The following STXBP5L variants were observed in gnomAD, a reference collection of about 807,000 sequenced individuals.
STXBP5L encodes syntaxin binding protein 5L.
In STXBP5L, 65 loss-of-function variants were observed where a neutral mutation model predicts 144.5. The observed-to-expected ratio is 0.45, with a 90% CI of 0.37 to 0.55. The LOEUF (loss-of-function observed/expected upper bound fraction) is 0.55, where lower values mean the gene tolerates loss of function less well. STXBP5L is among the 20% of genes least tolerant of loss of function. The pLI is 0.00. For synonymous variants in STXBP5L, 505 were observed against 469.6 expected, an observed-to-expected ratio of 1.08 and a Z score of -0.97; for missense variants, 1,298 against 1,405.5, an observed-to-expected ratio of 0.92 and a Z score of 1.22.
intron 5 of STXBP5L, among the ~76,000 whole-genome samples, chr3:121,096,979 C>A (rs1346898431): frequency 1.3e-5 from 2 of 152,184 alleles, no homozygotes; most frequent in Admixed American, 1.3e-4. Context: ...GTCCCAGGGA[C>A]ATGGGGGTTT....
At position 121,174,381 on chromosome 3, in the gene STXBP5L, T is replaced by C. The variant is rs180799031; in HGVS notation, c.877+16754T>C. ...CTTAGTTTTTTCTGATATTTTAGGC[T>C]AAAGCTGTTTGTCTGCCTGTTTTTT... is the stretch of plus-strand genomic sequence containing the variant. On this transcript the variant is annotated intron_variant, in intron 9 of 26. Coordinates refer to ENST00000471454, the MANE Select transcript of STXBP5L (RefSeq NM_001308330.2). Among the ~76,000 whole-genome samples the C allele has an allele frequency of 1.1e-4, 17 of 152,258 alleles. No homozygotes were observed. In the East Asian group the frequency reaches 3.1e-3, roughly 28 times the overall value.
chr3:121,256,925 T>C (rs2050224477), intron 16 of STXBP5L, among the ~76,000 whole-genome samples: 1 of 151,962 alleles, frequency 6.6e-6, no homozygotes, highest in Non-Finnish European at 1.5e-5. Context: ...TTTAAAAATT[T>C]ACATTTTTTG....
chr3:121,205,311 A>C (rs2048296094), intron 9 of STXBP5L, among the ~76,000 whole-genome samples: 1 of 152,200 alleles, frequency 6.6e-6, no homozygotes, highest in Admixed American at 6.5e-5. Flanking sequence ...AACATGGTGG[A>C]AGGTATCACA....
At chr3:121,066,032 G>T (rs994788278) in intron 5 of STXBP5L, among the ~76,000 whole-genome samples, 1 of 152,110 alleles carries the variant, frequency 6.6e-6, no homozygotes, top group African/African-American at 2.4e-5. Flanking sequence ...CAAGATGGAG[G>T]TCGTAATCAT....
chr3:121,350,331 G>T (rs61874364), intron 20 of STXBP5L, among the ~76,000 whole-genome samples: 1 of 152,206 alleles, frequency 6.6e-6, no homozygotes, highest in East Asian at 1.9e-4. Context: ...GAGATCAGCT[G>T]TTAGTATGAT....
chr3:120,963,932 T>C (rs1378067591), intron 3 of STXBP5L, among the ~76,000 whole-genome samples: 1 of 152,198 alleles, frequency 6.6e-6, no homozygotes, highest in Non-Finnish European at 1.5e-5. Context: ...GGCTATTAAT[T>C]ATTGCCTCAA....
chr3:120,958,316 T>A (rs1298831547), intron 3 of STXBP5L, among the ~76,000 whole-genome samples: 2 of 152,206 alleles, frequency 1.3e-5, no homozygotes, highest in Non-Finnish European at 2.9e-5. Context: ...CACAGCCGAA[T>A]TCTACCAGAG....
chr3:121,147,561 A>G (rs1349824178), intron 7 of STXBP5L, among the ~76,000 whole-genome samples: 1 of 152,194 alleles, frequency 6.6e-6, no homozygotes, highest in Non-Finnish European at 1.5e-5. Context: ...TAAGCTAGAT[A>G]AACAGTGAAT....
At chr3:121,216,715 C>A (rs573156573) in intron 10 of STXBP5L, among the ~76,000 whole-genome samples, 1 of 152,330 alleles carries the variant, frequency 6.6e-6, no homozygotes, top group African/African-American at 2.4e-5. Context: ...GAGCACTGTG[C>A]TGGGAGATCT....
intron 19 of STXBP5L, among the ~76,000 whole-genome samples, chr3:121,300,483 C>A (rs1167546084): frequency 6.6e-6 from 1 of 151,918 alleles, no homozygotes; most frequent in African/African-American, 2.4e-5. Flanking sequence ...ATAACAGTAA[C>A]ACAAAGTATT....
At chr3:121,093,841 C>T (rs913702229) in intron 5 of STXBP5L, among the ~76,000 whole-genome samples, 7 of 152,088 alleles carry the variant, frequency 4.6e-5, no homozygotes, top group African/African-American at 1.7e-4. Flanking sequence ...TCTTTCTTTT[C>T]TAGTTCTTTT....
intron 5 of STXBP5L, 126 bp from the exon 6 acceptor site, chr3:121,114,799 C>A (rs906123647): frequency 1.5e-5 from 8 of 519,428 alleles, no homozygotes; most frequent in Admixed American, 4.2e-5. Context: ...TAACTACATG[C>A]TATACTTGAG....
At chr3:121,312,715 G>A (rs1206735070) in intron 19 of STXBP5L, among the ~76,000 whole-genome samples, 3 of 151,296 alleles carry the variant, frequency 2.0e-5, no homozygotes, top group South Asian at 2.1e-4. Flanking sequence ...ATCTTGCACC[G>A]CCCTTAATCC....
chr3:121,009,990 G>A (rs1944649385), intron 3 of STXBP5L, among the ~76,000 whole-genome samples: 1 of 151,814 alleles, frequency 6.6e-6, no homozygotes, highest in Non-Finnish European at 1.5e-5. Context: ...TAGAGGCTAT[G>A]TTGACATGTT....
intron 5 of STXBP5L, among the ~76,000 whole-genome samples, chr3:121,089,525 GAT>G (rs1234314783): frequency 6.2e-5 from 1 of 16,208 alleles, no homozygotes; most frequent in Non-Finnish European, 1.4e-4. Flanking sequence ...CTGCTTTAAA[GAT>G]TTTTTTTTTC....
intron 2 of STXBP5L, among the ~76,000 whole-genome samples, chr3:120,935,715 C>G (rs1207994471): frequency 6.6e-6 from 1 of 151,802 alleles, no homozygotes; most frequent in Non-Finnish European, 1.5e-5. Context: ...TTGCATTGTT[C>G]CTGAAGAGAA....
chr3:121,077,080 T>G (rs565225287), intron 5 of STXBP5L, among the ~76,000 whole-genome samples: 1 of 152,282 alleles, frequency 6.6e-6, no homozygotes, highest in Admixed American at 6.5e-5. Flanking sequence ...CCTGAGACCA[T>G]CTCTTTCACA....
intron 2 of STXBP5L, chr3:120,925,245 C>T (rs1340918156): frequency 2.0e-5 from 3 of 152,152 alleles, no homozygotes; most frequent in Non-Finnish European, 1.5e-5. Flanking sequence ...GAGGAGCAGC[C>T]TCGAGTGGGT....
chr3:121,024,374 A>G (rs540584330), intron 3 of STXBP5L, among the ~76,000 whole-genome samples: 21 of 152,246 alleles, frequency 1.4e-4, no homozygotes, highest in Non-Finnish European at 2.6e-4. Context: ...TTACTTTAGG[A>G]ATTCTTTAGT....
Sources: allele counts gnomAD v4.1 joint callset (sites outside exome capture counted in the v4.1 genomes callset), GRCh38; gene constraint gnomAD v4.1.1; transcripts MANE v1.5; gene names NCBI Gene and HGNC (gene_info 2026-07-23, HGNC 2026-07-21).